The following SCRG1 variants were observed in gnomAD, a reference collection of about 807,000 sequenced individuals.
The protein encoded by SCRG1 is stimulator of chondrogenesis 1.
A neutral mutation model predicts 7.7 loss-of-function variants in SCRG1; 3 were observed. The observed-to-expected ratio is 0.39, with a 90% CI of 0.18 to 1.01. The LOEUF is 1.01. SCRG1 is among the 50% of genes least tolerant of loss of function. The probability of loss-of-function intolerance (pLI) is 0.36; values close to 1 mark genes in which losing one functional copy is unlikely to be tolerated. For missense variants in SCRG1, 110 were observed against 117.2 expected, an observed-to-expected ratio of 0.94 and a Z score of 0.28; for synonymous variants, 46 against 41.2, an observed-to-expected ratio of 1.12 and a Z score of -0.44.
At chr4:173,451,405 C>T in the SCRG1 span, among the ~76,000 whole-genome samples, 2 of 151,830 alleles carry the variant, frequency 1.3e-5, no homozygotes, top group East Asian at 3.9e-4. Flanking sequence ...TAGCTCCATT[C>T]AGAAAGCTGC....
upstream of SCRG1, among the ~76,000 whole-genome samples, chr4:173,400,208 A>G (rs899885410): frequency 2.0e-5 from 3 of 152,204 alleles, no homozygotes; most frequent in African/African-American, 7.2e-5. Context: ...AGAAGGGAAG[A>G]TAGGAAGGAA....
chr4:173,504,743 A>G, the SCRG1 span, among the ~76,000 whole-genome samples: 1 of 152,314 alleles, frequency 6.6e-6, no homozygotes, highest in Admixed American at 6.5e-5. This position sits in a 1 kb window ranked among gnomAD's most constrained non-coding sequence, Gnocchi z 4.7. Context: ...AAAGGTCAAC[A>G]CCATCCTTCT....
the SCRG1 span, among the ~76,000 whole-genome samples, chr4:173,427,233 A>G: frequency 3.3e-5 from 5 of 152,168 alleles, no homozygotes; most frequent in Non-Finnish European, 7.3e-5. Flanking sequence ...ACTGGTATGT[A>G]TTTCTGCCTA....
At chr4:173,453,436 T>C in the SCRG1 span, among the ~76,000 whole-genome samples, 1 of 152,230 alleles carries the variant, frequency 6.6e-6, no homozygotes, top group African/African-American at 2.4e-5. Flanking sequence ...GATTGTGTCA[T>C]TGTGCGAACA....
At chr4:173,462,238 G>C in the SCRG1 span, among the ~76,000 whole-genome samples, 1 of 152,026 alleles carries the variant, frequency 6.6e-6, no homozygotes, top group African/African-American at 2.4e-5. Flanking sequence ...ACCCAAAGAA[G>C]ACTACCTCAA....
the SCRG1 span, among the ~76,000 whole-genome samples, chr4:173,482,239 T>C: frequency 6.6e-6 from 1 of 152,160 alleles, no homozygotes; most frequent in Admixed American, 6.6e-5. Context: ...CTGTTTGACT[T>C]TGGGCAAATC....
At chr4:173,440,123 T>A in the SCRG1 span, among the ~76,000 whole-genome samples, 2 of 152,198 alleles carry the variant, frequency 1.3e-5, no homozygotes, top group African/African-American at 4.8e-5. Context: ...TGAGAAGCGC[T>A]ACAGGTTTCT....
chr4:173,507,161 C>T, the SCRG1 span, among the ~76,000 whole-genome samples: 7 of 152,176 alleles, frequency 4.6e-5, no homozygotes, highest in African/African-American at 1.7e-4. This position sits in a 1 kb window ranked among gnomAD's most constrained non-coding sequence, Gnocchi z 4.4. Context: ...CCAGACTCTA[C>T]TCCTTGCACA....
the SCRG1 span, among the ~76,000 whole-genome samples, chr4:173,453,414 G>T: frequency 6.6e-6 from 1 of 152,186 alleles, no homozygotes; most frequent in African/African-American, 2.4e-5. Flanking sequence ...TGTGACAAAT[G>T]CATCATTAGG....
At position 173,385,183 on chromosome 4, in the gene SCRG1, C is replaced by T. The variant is rs1345316188; in HGVS notation, c.*3158G>A. 1 of 152,124 alleles carries T rather than the reference C, an allele frequency of 6.6e-6. No homozygotes were observed. Among genetic ancestry groups the T allele is most frequent in the Non-Finnish European group, 1.5e-5 (1 of 68,010 alleles). The allele number at this position is 152,124 out of a possible 1,614,324, so 9.4% of individuals were successfully genotyped here. A position where few individuals can be genotyped will look rare whatever the true frequency, so the allele number is the denominator to read the frequency against. On this transcript the variant is annotated 3_prime_UTR_variant, in exon 3 of 3. Transcript: ENST00000296506. The stretch of plus-strand genomic sequence containing the variant: ...TAATAAAAGCTTAGTTGTCTTATAA[C>T]TAAAATCTATTGGAAAAACTCATGC...
chr4:173,455,859 T>C, the SCRG1 span, among the ~76,000 whole-genome samples: 30 of 152,062 alleles, frequency 2.0e-4, no homozygotes. Context: ...TTGGGAGCAG[T>C]CGAAGGAATA....
chr4:173,484,196 T>A, the SCRG1 span, among the ~76,000 whole-genome samples: 1 of 84,990 alleles, frequency 1.2e-5, no homozygotes, highest in Admixed American at 2.0e-4. Context: ...TTCTATATTA[T>A]ATATTATATA....
At chr4:173,483,191 G>GATATATATTATATGATATATCATATAAT in the SCRG1 span, among the ~76,000 whole-genome samples, 1 of 93,840 alleles carries the variant, frequency 1.1e-5, no homozygotes, top group Non-Finnish European at 1.9e-5. Context: ...TATTATATAT[G>GATATATATTATATGATATATCATATAAT]ATATATATTA....
intron 1 of SCRG1, among the ~76,000 whole-genome samples, chr4:173,391,705 A>T (rs936290750): frequency 2.6e-5 from 4 of 152,192 alleles, no homozygotes; most frequent in Admixed American, 2.0e-4. Flanking sequence ...ATGTACAAGG[A>T]TTGCTTGAAC....
the SCRG1 span, among the ~76,000 whole-genome samples, chr4:173,444,121 C>T: frequency 4.0e-5 from 6 of 151,872 alleles, no homozygotes; most frequent in African/African-American, 7.3e-5. Flanking sequence ...TTACAGGTGC[C>T]CGCCACCACG....
At chr4:173,416,275 A>G in the SCRG1 span, among the ~76,000 whole-genome samples, 1 of 152,208 alleles carries the variant, frequency 6.6e-6, no homozygotes. Context: ...CCTCATTTCC[A>G]TGCTCACTCC....
At chr4:173,510,630 T>C in the SCRG1 span, among the ~76,000 whole-genome samples, 1 of 152,138 alleles carries the variant, frequency 6.6e-6, no homozygotes, top group South Asian at 2.1e-4. This position sits in a 1 kb window ranked among gnomAD's most constrained non-coding sequence, Gnocchi z 5.7. Context: ...CGTGGAGATC[T>C]AGCAACTTCC....
chr4:173,391,104 T>G (rs1739423447), intron 2 of SCRG1, 69 bp downstream of exon 2: 1 of 1,542,646 alleles, frequency 6.5e-7, no homozygotes, highest in Non-Finnish European at 8.9e-7. Context: ...AAACCTATTA[T>G]GAAGATGTAG....
At chr4:173,480,893 G>C in the SCRG1 span, among the ~76,000 whole-genome samples, 4 of 152,094 alleles carry the variant, frequency 2.6e-5, no homozygotes, top group African/African-American at 9.6e-5. Context: ...ATTGGGTTAT[G>C]GGTATGCATT....
Sources: gnomAD v4.1 joint callset for allele counts (sites outside exome capture counted in the v4.1 genomes callset) on GRCh38, gnomAD v4.1.1 for gene constraint, Gnocchi (gnomAD v3.1) non-coding constraint, MANE v1.5 for transcripts, NCBI Gene and HGNC (gene_info 2026-07-23, HGNC 2026-07-21) for gene names.